Variants in IRAK4 observed in about 807,000 individuals in gnomAD.
IRAK4 encodes interleukin-1 receptor-associated kinase 4.
In IRAK4, 44 loss-of-function variants were observed where a neutral mutation model predicts 51.8. That is an observed-to-expected ratio of 0.85 (90% CI 0.67 to 1.09). IRAK4 has a LOEUF of 1.09. IRAK4 is among the 50% of genes least tolerant of loss of function. The probability of loss-of-function intolerance (pLI) is 0.00; values close to 1 mark genes in which losing one functional copy is unlikely to be tolerated. For missense variants in IRAK4, 487 were observed against 538.0 expected (o/e 0.91, Z 0.94); for synonymous variants, 149 against 174.1 (o/e 0.86, Z 1.13).
intron 1 of IRAK4, among the ~76,000 whole-genome samples, chr12:43,760,757 C>T (rs903443922): frequency 1.3e-5 from 2 of 152,180 alleles, no homozygotes; most frequent in Non-Finnish European, 2.9e-5. Context: ...ACAACCTTTT[C>T]TCTATTTCGT....
intron 2 of IRAK4, chr12:43,770,989 C>A: frequency 1.5e-6 from 1 of 660,902 alleles, no homozygotes; most frequent in Non-Finnish European, 2.8e-6. Flanking sequence ...TTTTCTCTTT[C>A]ACATGCACGT....
chr12:43,783,559 T>G, intron 9 of IRAK4, 103 bp from the exon 10 acceptor site: 1 of 739,094 alleles, frequency 1.4e-6, no homozygotes. Context: ...GGGCTCAAGT[T>G]ATCCTCCCAC....
intron 1 of IRAK4, among the ~76,000 whole-genome samples, chr12:43,764,483 T>G (rs1487515645): frequency 6.6e-6 from 1 of 152,210 alleles, no homozygotes; most frequent in Non-Finnish European, 1.5e-5. Flanking sequence ...AAGACACTTT[T>G]GTAAGCGATA....
At chr12:43,774,192 A>G (rs1420852808) in intron 6 of IRAK4, among the ~76,000 whole-genome samples, 163 bp downstream of exon 6, 2 of 152,174 alleles carry the variant, frequency 1.3e-5, no homozygotes, top group African/African-American at 4.8e-5. Context: ...TTGGCTCCAT[A>G]ATTCTATGAT....
At chr12:43,773,942 C>T in intron 5 of IRAK4, 23 bp from the exon 6 acceptor site, 1 of 1,476,858 alleles carries the variant, frequency 6.8e-7, no homozygotes, top group Non-Finnish European at 9.5e-7. Context: ...TGTAGTATTA[C>T]ATTGTATATT....
At chr12:43,760,287 C>G (rs1046834607) in intron 1 of IRAK4, among the ~76,000 whole-genome samples, 1 of 152,190 alleles carries the variant, frequency 6.6e-6, no homozygotes, top group African/African-American at 2.4e-5. Context: ...CTGCTACGAC[C>G]CTGGTCCCAG....
intron 8 of IRAK4, among the ~76,000 whole-genome samples, chr12:43,781,666 TA>T (rs1450872203): frequency 2.7e-4 from 41 of 152,206 alleles, no homozygotes; most frequent in Admixed American, 2.6e-3. Flanking sequence ...TTTAAAAAAT[TA>T]TTTATGCCTT....
chr12:43,767,160 CTG>C (rs769186454), intron 1 of IRAK4, among the ~76,000 whole-genome samples: 1 of 152,072 alleles, frequency 6.6e-6, no homozygotes, highest in Non-Finnish European at 1.5e-5. Flanking sequence ...AGAAGAATAT[CTG>C]AGTCTATTTG....
At chr12:43,771,738 T>C (rs1173998445) in intron 3 of IRAK4, among the ~76,000 whole-genome samples, 1 of 152,244 alleles carries the variant, frequency 6.6e-6, no homozygotes, top group Non-Finnish European at 1.5e-5. Flanking sequence ...AATTGTATTC[T>C]GATGTGGTAG....
At chr12:43,763,129 A>G (rs1592208781) in intron 1 of IRAK4, among the ~76,000 whole-genome samples, 1 of 152,208 alleles carries the variant, frequency 6.6e-6, no homozygotes, top group African/African-American at 2.4e-5. Context: ...TCAGAGTGCA[A>G]TGGATTTTAA....
chr12:43,777,499 TC>T, intron 6 of IRAK4, 130 bp from the exon 7 acceptor site: 1 of 728,142 alleles, frequency 1.4e-6, no homozygotes, highest in Non-Finnish European at 2.1e-6. Flanking sequence ...AACATAAACA[TC>T]AAGTTAGAAA....
chr12:43,782,314 A>G lies in IRAK4; in HGVS notation c.949A>G (p.Ile317Val), dbSNP rs1278600353. 5.6e-6 allele frequency: 9 copies of G among 1,612,286 alleles called. No individual in the cohort carries two copies. The highest frequency in any genetic ancestry group is 6.8e-6 in the Non-Finnish European group (8 of 1,178,484). Reference protein sequence around the residue: ...HIHRDIKSANILLDEAFTAKI... With the variant: ...HIHRDIKSANVLLDEAFTAKI... ...ACTTTACATTTTTTTCAGTGCAAAT[A>G]TCTTACTGGATGAAGCTTTTACTGC... The change falls in exon 9 of 12, where the codon ATC becomes GTC. Residue 317 changes from isoleucine to valine, a missense_variant. Transcript: ENST00000613694.
At chr12:43,776,793 G>T (rs925712589) in intron 6 of IRAK4, among the ~76,000 whole-genome samples, 2 of 152,128 alleles carry the variant, frequency 1.3e-5, no homozygotes, top group Non-Finnish European at 2.9e-5. Flanking sequence ...TAGATTGTAG[G>T]TCTCTTTAGT....
intron 6 of IRAK4, among the ~76,000 whole-genome samples, chr12:43,777,262 ACCAGTAGT>A (rs1472082380): frequency 6.6e-6 from 1 of 152,128 alleles, no homozygotes; most frequent in African/African-American, 2.4e-5. Context: ...TGTGGTGTAC[ACCAGTAGT>A]CCAAGCTACT....
intron 8 of IRAK4, among the ~76,000 whole-genome samples, chr12:43,780,061 A>G (rs1286009466): frequency 6.6e-6 from 1 of 152,162 alleles, no homozygotes; most frequent in Non-Finnish European, 1.5e-5. Context: ...AAACCTGGAG[A>G]GTGTGGAGTC....
chr12:43,785,653 T>C (rs901248979), intron 10 of IRAK4, among the ~76,000 whole-genome samples: 9 of 149,172 alleles, frequency 6.0e-5, no homozygotes, highest in Admixed American at 1.3e-4. Context: ...TATATATATA[T>C]ACACATACCC....
At chr12:43,786,180 C>T (rs531674026) in intron 10 of IRAK4, among the ~76,000 whole-genome samples, 20 of 151,950 alleles carry the variant, frequency 1.3e-4, no homozygotes, top group African/African-American at 4.3e-4. Context: ...TACAGGCATG[C>T]ACCACCATGC....
At chr12:43,762,606 G>C (rs1056512163) in intron 1 of IRAK4, among the ~76,000 whole-genome samples, 11 of 152,032 alleles carry the variant, frequency 7.2e-5, no homozygotes, top group Non-Finnish European at 1.6e-4. Flanking sequence ...AATTTGGTTG[G>C]GTCCTAGCTC....
intron 10 of IRAK4, among the ~76,000 whole-genome samples, chr12:43,786,039 AT>A (rs58528160): frequency 0.078 from 10,928 of 140,402 alleles, 348 homozygotes; most frequent in Middle Eastern, 0.13. Context: ...TATGTCTTCA[AT>A]TTTTTTTTTT....
Sources: gnomAD v4.1 joint callset for allele counts (sites outside exome capture counted in the v4.1 genomes callset) on GRCh38, gnomAD v4.1.1 for gene constraint, MANE v1.5 for transcripts, NCBI Gene and HGNC (gene_info 2026-07-23, HGNC 2026-07-21) for gene names.